CACUL1: variants seen among roughly 807,000 people sequenced by gnomAD.
The protein encoded by CACUL1 is CDK2 associated cullin domain 1, also known as CDK2-associated and cullin domain-containing protein 1.
Under a neutral mutation model 45.2 loss-of-function variants are expected in CACUL1, and 13 were observed. The observed-to-expected ratio is 0.29, with a 90% CI of 0.19 to 0.46. The LOEUF is 0.46. Ranked by LOEUF, CACUL1 falls within the 20% of genes least tolerant of loss-of-function variation. CACUL1 has a pLI of 1.00. For missense variants in CACUL1, 421 were observed against 471.4 expected (o/e 0.89, Z 0.99); for synonymous variants, 197 against 174.2 (o/e 1.13, Z -1.03).
intron 3 of CACUL1, among the ~76,000 whole-genome samples, chr10:118,721,501 T>C (rs887182158): frequency 2.0e-5 from 3 of 152,214 alleles, no homozygotes; most frequent in African/African-American, 7.2e-5. Flanking sequence ...AACTTCCTTT[T>C]AATTAAAAGT....
At chr10:118,717,970 T>C (rs746308175) in intron 3 of CACUL1, among the ~76,000 whole-genome samples, 9 of 152,090 alleles carry the variant, frequency 5.9e-5, no homozygotes, top group Non-Finnish European at 7.4e-5. Context: ...AAGGTGGTGA[T>C]TAACTGCCAA....
At chr10:118,696,690 T>A (rs1487673966) in intron 5 of CACUL1, among the ~76,000 whole-genome samples, 1 of 152,232 alleles carries the variant, frequency 6.6e-6, no homozygotes, top group Non-Finnish European at 1.5e-5. Context: ...TTCAAAGCCA[T>A]ACTAGGCCGC....
At chr10:118,730,162 A>C in intron 2 of CACUL1, 122 bp downstream of exon 2, 2 of 1,113,492 alleles carry the variant, frequency 1.8e-6, no homozygotes, top group South Asian at 2.9e-5. Context: ...TGTGGAATAC[A>C]TAAAACACTT....
At chr10:118,708,552 T>C (rs544148264) in intron 3 of CACUL1, among the ~76,000 whole-genome samples, 2 of 152,308 alleles carry the variant, frequency 1.3e-5, no homozygotes, top group Admixed American at 6.5e-5. Context: ...TTATATGTTA[T>C]AGACTGAATA....
chr10:118,719,025 G>A (rs1284110863), intron 3 of CACUL1, among the ~76,000 whole-genome samples: 3 of 152,144 alleles, frequency 2.0e-5, no homozygotes, highest in African/African-American at 7.2e-5. Context: ...CATTCAACAT[G>A]CACAGAGATG....
chr10:118,733,056 C>G (rs1017188832), intron 1 of CACUL1, among the ~76,000 whole-genome samples: 1 of 152,170 alleles, frequency 6.6e-6, no homozygotes, highest in Non-Finnish European at 1.5e-5. Flanking sequence ...TCCTAAAATG[C>G]TTAGTTCAAT....
intron 3 of CACUL1, among the ~76,000 whole-genome samples, chr10:118,714,947 C>T (rs757027934): frequency 6.6e-6 from 1 of 152,200 alleles, no homozygotes; most frequent in Non-Finnish European, 1.5e-5. Flanking sequence ...AAAACACACA[C>T]ACTTTAGGAA....
Position 118,754,678 on chromosome 10 carries a change from C to G in CACUL1, c.85G>C (p.Val29Leu), listed in dbSNP as rs755815375. The G allele has an allele frequency of 3.7e-6, 6 of 1,608,968 alleles. No individual in the cohort carries two copies. The Admixed American group carries it at 1.0e-4, about 27-fold the overall frequency. The change falls in exon 1 of 9, where the codon GTG becomes CTG. Residue 29 changes from valine to leucine, a missense_variant. Transcript: ENST00000369151. Reference sequence around the variant, plus strand: ...GGCAGGGGCTGCCGGAAGCCGTCCACCGCAGCCTCCCAGTTGTTGTGGTTC... The same window carrying G: ...GGCAGGGGCTGCCGGAAGCCGTCCAGCGCAGCCTCCCAGTTGTTGTGGTTC... Reference protein sequence around the residue: ...DQNHNNWEAAVDGFRQPLPPP... With the variant: ...DQNHNNWEAALDGFRQPLPPP...
intron 5 of CACUL1, among the ~76,000 whole-genome samples, chr10:118,698,019 G>C (rs1236633968): frequency 2.0e-5 from 3 of 152,136 alleles, no homozygotes; most frequent in East Asian, 1.9e-4. Flanking sequence ...CTTCATTCAT[G>C]AAACATACTA....
chr10:118,705,102 A>C (rs1367722133), intron 4 of CACUL1, among the ~76,000 whole-genome samples: 1 of 152,206 alleles, frequency 6.6e-6, no homozygotes, highest in Non-Finnish European at 1.5e-5. Flanking sequence ...TTTATCTTTT[A>C]TAAGTTTTAC....
At position 118,714,791 on chromosome 10, in the gene CACUL1, C is replaced by A. The variant is rs188246573; in HGVS notation, c.598-7204G>T. Among the ~76,000 whole-genome samples the A allele has an allele frequency of 3.1e-3, 470 of 152,194 alleles. 2 individuals are homozygous for A. Among genetic ancestry groups the A allele is most frequent in the African/African-American group, 0.011 (447 of 41,512 alleles). On this transcript the variant is annotated intron_variant, in intron 3 of 8. Transcript: ENST00000369151. The stretch of plus-strand genomic sequence containing the variant: ...AATTTAATAAAATTAATAATTTTCT[C>A]TGTTTCATCTGGGACATTCTTAATG...
intron 3 of CACUL1, among the ~76,000 whole-genome samples, chr10:118,722,257 AT>A (rs530105419): frequency 9.5e-5 from 14 of 146,730 alleles, no homozygotes; most frequent in Admixed American, 3.4e-4. Flanking sequence ...CTAATTTTGT[AT>A]TTTTTTTTTA....
chr10:118,724,637 G>A (rs1845635622), intron 3 of CACUL1, among the ~76,000 whole-genome samples: 1 of 152,162 alleles, frequency 6.6e-6, no homozygotes, highest in Non-Finnish European at 1.5e-5. Context: ...TTTTTAGGTT[G>A]TTCAGCCAAA....
At chr10:118,740,087 T>C (rs1845778484) in intron 1 of CACUL1, among the ~76,000 whole-genome samples, 1 of 152,050 alleles carries the variant, frequency 6.6e-6, no homozygotes, top group South Asian at 2.1e-4. Flanking sequence ...GCGGAGGTTG[T>C]AGTGATCTGA....
At position 118,691,312 on chromosome 10, in the gene CACUL1, A is replaced by G. The variant is rs1392357989; in HGVS notation, c.978T>C (p.Ala326=). 1 of 1,613,322 alleles carries G rather than the reference A, an allele frequency of 6.2e-7. No individual in the cohort carries two copies. The highest frequency in any genetic ancestry group is 8.5e-7 in the Non-Finnish European group (1 of 1,179,356). ...GTTCTCTTTGAAATTTCTGATCTTG[A>G]GCAGCATATTCAGAAAGTTCAGATT... ...AVESELSEYA[A]QDQKFQRELI... The change falls in exon 7 of 9, where the codon GCT becomes GCC. Residue 326 remains alanine, a synonymous_variant. Coordinates refer to ENST00000369151, the MANE Select transcript of CACUL1 (RefSeq NM_153810.5).
intron 1 of CACUL1, among the ~76,000 whole-genome samples, chr10:118,735,428 CTTG>C (rs1564837685): frequency 6.6e-6 from 1 of 152,220 alleles, no homozygotes; most frequent in Non-Finnish European, 1.5e-5. Context: ...CACCTGGAAA[CTTG>C]TTGCAAATGC....
chr10:118,690,923 C>T (rs947121571), intron 7 of CACUL1, among the ~76,000 whole-genome samples: 1 of 152,098 alleles, frequency 6.6e-6, no homozygotes, highest in Non-Finnish European at 1.5e-5. Context: ...TGGTGGCACA[C>T]GCCTGTAATC....
intron 1 of CACUL1, among the ~76,000 whole-genome samples, chr10:118,738,311 C>CT (rs1845758552): frequency 6.6e-6 from 1 of 152,268 alleles, no homozygotes; most frequent in African/African-American, 2.4e-5. Flanking sequence ...GCTTAGAACT[C>CT]TGAGACCTAG....
intron 3 of CACUL1, among the ~76,000 whole-genome samples, chr10:118,715,569 T>C (rs1845534319): frequency 6.6e-6 from 1 of 152,214 alleles, no homozygotes; most frequent in Non-Finnish European, 1.5e-5. Flanking sequence ...TGGAATATGA[T>C]TAATTAAACT....
Sources: gnomAD v4.1 joint callset for allele counts (sites outside exome capture counted in the v4.1 genomes callset) on GRCh38, gnomAD v4.1.1 for gene constraint, MANE v1.5 for transcripts, NCBI Gene and HGNC (gene_info 2026-07-23, HGNC 2026-07-21) for gene names.